Variants in HS6ST3 observed in about 807,000 individuals in gnomAD.
The protein encoded by HS6ST3 is heparan-sulfate 6-O-sulfotransferase 3.
In HS6ST3, 12 loss-of-function variants were observed where a neutral mutation model predicts 36.7. The ratio of observed to expected loss-of-function variants is 0.33; its 90% CI spans 0.21 to 0.53. The LOEUF (loss-of-function observed/expected upper bound fraction) is 0.53. Ranked by LOEUF, HS6ST3 falls within the 20% of genes least tolerant of loss-of-function variation. HS6ST3 has a pLI of 0.95. For synonymous variants in HS6ST3, 240 were observed against 257.5 expected (o/e 0.93, Z 0.65); for missense variants, 584 against 640.9 (o/e 0.91, Z 0.96).
intron 1 of HS6ST3, among the ~76,000 whole-genome samples, chr13:96,419,815 T>A (rs2055554199): frequency 6.6e-6 from 1 of 152,172 alleles, no homozygotes; most frequent in Non-Finnish European, 1.5e-5. Flanking sequence ...TCCTCGTGTT[T>A]GTGTCCACAT....
intron 1 of HS6ST3, among the ~76,000 whole-genome samples, chr13:96,287,345 T>G (rs912572043): frequency 2.0e-5 from 3 of 152,162 alleles, no homozygotes; most frequent in Non-Finnish European, 4.4e-5. Context: ...ATATAATGCC[T>G]TAAAATATTT....
At chr13:96,403,983 G>A (rs896192498) in intron 1 of HS6ST3, among the ~76,000 whole-genome samples, 4 of 152,104 alleles carry the variant, frequency 2.6e-5, no homozygotes, top group African/African-American at 9.7e-5. Context: ...ATATAAATGG[G>A]AAGTGTCTCC....
In HS6ST3 at chr13:96,110,439, T is replaced by TG. The variant is rs200087591; in HGVS notation, c.707+18871dup. 1.8e-4 allele frequency among the ~76,000 whole-genome samples: 27 copies of TG among 145,982 alleles called. 1 individual carries two copies. The highest frequency in any genetic ancestry group is 2.3e-4 in the South Asian group (1 of 4,386). Reference sequence around the variant, plus strand: ...TCTTTTCTTTTTTAATTTGTGTGTGTGTGTTTTTTTTTTTTGAGACGGTGT... The same window carrying TG: ...TCTTTTCTTTTTTAATTTGTGTGTGTGGTGTTTTTTTTTTTTGAGACGGTGT... On this transcript the variant is annotated intron_variant, in intron 1 of 1. Coordinates refer to ENST00000376705, the MANE Select transcript of HS6ST3 (RefSeq NM_153456.4).
intron 1 of HS6ST3, among the ~76,000 whole-genome samples, chr13:96,745,424 G>A (rs1055931296): frequency 1.3e-5 from 2 of 152,024 alleles, no homozygotes; most frequent in Non-Finnish European, 2.9e-5. Flanking sequence ...TAAAAGTGAT[G>A]ACCTCTCTCA....
intron 1 of HS6ST3, among the ~76,000 whole-genome samples, chr13:96,231,838 G>C (rs113912855): frequency 6.6e-6 from 1 of 152,166 alleles, no homozygotes; most frequent in Non-Finnish European, 1.5e-5. Context: ...AGAGTACATA[G>C]GGGGGTTAAC....
At chr13:96,667,955 A>G (rs2056669627) in intron 1 of HS6ST3, among the ~76,000 whole-genome samples, 1 of 152,178 alleles carries the variant, frequency 6.6e-6, no homozygotes, top group Non-Finnish European at 1.5e-5. Flanking sequence ...ATATTTAATA[A>G]AAATAGCTAT....
chr13:96,287,122 C>T (rs986765366), intron 1 of HS6ST3, among the ~76,000 whole-genome samples: 1 of 152,156 alleles, frequency 6.6e-6, no homozygotes, highest in Non-Finnish European at 1.5e-5. Flanking sequence ...GAAGTTGACT[C>T]CAGCAGCCAC....
intron 1 of HS6ST3, among the ~76,000 whole-genome samples, chr13:96,227,933 T>C (rs2054488881): frequency 6.6e-6 from 1 of 152,184 alleles, no homozygotes; most frequent in South Asian, 2.1e-4. Flanking sequence ...AGAGGACTTG[T>C]AATTTCTCTT....
In HS6ST3 at chr13:96,397,511, A is replaced by T. The variant is rs201828527; in HGVS notation, c.707+305942A>T. ...ACTCATCAATATAAATTGTTAAAAA[A>T]ACTCTTACATTTCAATTTATTTATG... On this transcript the variant is annotated intron_variant, in intron 1 of 1. Transcript: ENST00000376705. Among the ~76,000 whole-genome samples, 28 of 152,312 alleles carry T rather than the reference A, an allele frequency of 1.8e-4. 1 individual carries two copies. In the East Asian group the frequency reaches 5.2e-3, roughly 28 times the overall value.
chr13:96,436,893 A>G (rs2055645379), intron 1 of HS6ST3, among the ~76,000 whole-genome samples: 1 of 152,188 alleles, frequency 6.6e-6, no homozygotes, highest in Admixed American at 6.5e-5. Context: ...CCCCTGTAGC[A>G]AAAGTGAACA....
intron 1 of HS6ST3, among the ~76,000 whole-genome samples, chr13:96,211,006 A>G (rs751680023): frequency 2.0e-5 from 3 of 149,430 alleles, no homozygotes; most frequent in African/African-American, 7.4e-5. Context: ...ATTTTGGCTC[A>G]CTCAACCTCC....
rs377203242 is a variant in HS6ST3 at position 96,782,899 on chromosome 13, T to C, written c.708-49591T>C. ...GGGAAATTCTGGATCTGTATTATCATGGGAGGGAAAGAAAATGAGCAGCCG... is the reference window on the plus strand; with the variant it reads ...GGGAAATTCTGGATCTGTATTATCACGGGAGGGAAAGAAAATGAGCAGCCG... On this transcript the variant is annotated intron_variant, in intron 1 of 1. Coordinates refer to ENST00000376705, the MANE Select transcript of HS6ST3 (RefSeq NM_153456.4). 2.6e-5 allele frequency among the ~76,000 whole-genome samples: 4 copies of C among 152,042 alleles called. No homozygotes were observed. In the South Asian group the frequency reaches 6.2e-4, roughly 24 times the overall value.
At chr13:96,126,783 C>T (rs771091491) in intron 1 of HS6ST3, among the ~76,000 whole-genome samples, 19 of 152,128 alleles carry the variant, frequency 1.2e-4, no homozygotes, top group Non-Finnish European at 1.6e-4. Context: ...TGGAGGAAAC[C>T]ACGCAAATGT....
chr13:96,381,988 G>A (rs2055343804), intron 1 of HS6ST3, among the ~76,000 whole-genome samples: 1 of 152,104 alleles, frequency 6.6e-6, no homozygotes, highest in Non-Finnish European at 1.5e-5. Flanking sequence ...AGCTGTGGGA[G>A]GCAGGCTTGG....
intron 1 of HS6ST3, among the ~76,000 whole-genome samples, chr13:96,326,110 T>A (rs1368332887): frequency 1.3e-5 from 2 of 152,006 alleles, no homozygotes; most frequent in Non-Finnish European, 2.9e-5. Flanking sequence ...TTGAAAAACA[T>A]CCAATTTATT....
chr13:96,212,549 A>C (rs2054404055), intron 1 of HS6ST3, among the ~76,000 whole-genome samples: 1 of 152,218 alleles, frequency 6.6e-6, no homozygotes, highest in African/African-American at 2.4e-5. Flanking sequence ...TCCGGTTTGA[A>C]AGTTGGAAGT....
intron 1 of HS6ST3, among the ~76,000 whole-genome samples, chr13:96,473,545 G>T (rs1354999954): frequency 6.6e-6 from 1 of 152,156 alleles, no homozygotes; most frequent in East Asian, 1.9e-4. Context: ...CCTCTTCTGG[G>T]GAAGGTTTCT....
chr13:96,797,557 C>A (rs1026549077), intron 1 of HS6ST3, among the ~76,000 whole-genome samples: 5 of 151,948 alleles, frequency 3.3e-5, no homozygotes, highest in African/African-American at 4.8e-5. Flanking sequence ...ACAACAATGG[C>A]AAAGCTATGA....
intron 1 of HS6ST3, among the ~76,000 whole-genome samples, chr13:96,253,430 G>A (rs930552080): frequency 6.6e-6 from 1 of 152,164 alleles, no homozygotes; most frequent in Non-Finnish European, 1.5e-5. Context: ...ACTTTGGAAA[G>A]GGATGACACA....
Sources: allele counts gnomAD v4.1 joint callset (sites outside exome capture counted in the v4.1 genomes callset), GRCh38; gene constraint gnomAD v4.1.1; transcripts MANE v1.5; gene names NCBI Gene and HGNC (gene_info 2026-07-23, HGNC 2026-07-21).